SGCZ: variants seen among roughly 807,000 people sequenced by gnomAD.
SGCZ encodes the protein sarcoglycan zeta.
SGCZ carries 40 observed loss-of-function variants against 41.3 expected under a neutral mutation model. That is an observed-to-expected ratio of 0.97 (90% confidence interval 0.75 to 1.26). The LOEUF (loss-of-function observed/expected upper bound fraction) is 1.26. Among genes scored for constraint, SGCZ ranks in the 50% most tolerant of loss-of-function variants. The pLI is 0.00. For synonymous variants in SGCZ, 206 were observed against 137.5 expected, an observed-to-expected ratio of 1.50 and a Z score of -3.49; for missense variants, 552 against 369.8, an observed-to-expected ratio of 1.49 and a Z score of -4.04.
At chr8:14,855,348 C>T (rs891046402) in intron 1 of SGCZ, among the ~76,000 whole-genome samples, 1 of 152,166 alleles carries the variant, frequency 6.6e-6, no homozygotes, top group African/African-American at 2.4e-5. Flanking sequence ...CTGTCCCCAG[C>T]CGGCATCTCC....
At chr8:14,638,615 T>C (rs756657318) in intron 1 of SGCZ, among the ~76,000 whole-genome samples, 2 of 151,812 alleles carry the variant, frequency 1.3e-5, no homozygotes, top group Non-Finnish European at 2.9e-5. Context: ...TCTTAAAGGT[T>C]TCCTAGAATG....
At chr8:14,938,224 T>A (rs1255996466) in intron 1 of SGCZ, among the ~76,000 whole-genome samples, 1 of 152,170 alleles carries the variant, frequency 6.6e-6, no homozygotes, top group Non-Finnish European at 1.5e-5. Flanking sequence ...AGCGTTAGAA[T>A]AAGCCAGAAA....
chr8:14,151,263 C>A (rs1244706877), intron 5 of SGCZ, among the ~76,000 whole-genome samples: 2 of 152,022 alleles, frequency 1.3e-5, no homozygotes, highest in Non-Finnish European at 1.5e-5. Flanking sequence ...TGCATTCTTG[C>A]ATCGACATCT....
At chr8:15,147,311 T>A (rs967059067) in intron 1 of SGCZ, among the ~76,000 whole-genome samples, 2 of 152,094 alleles carry the variant, frequency 1.3e-5, no homozygotes, top group African/African-American at 4.8e-5. Flanking sequence ...GGGCTTTCAC[T>A]CTTTTTGACC....
chr8:14,582,198 A>G (rs1804912902), intron 1 of SGCZ, among the ~76,000 whole-genome samples: 1 of 152,146 alleles, frequency 6.6e-6, no homozygotes, highest in African/African-American at 2.4e-5. Flanking sequence ...AATATATGCT[A>G]TTGATAACAT....
At chr8:15,188,853 G>A (rs931549616) in intron 1 of SGCZ, among the ~76,000 whole-genome samples, 1 of 152,064 alleles carries the variant, frequency 6.6e-6, no homozygotes, top group Non-Finnish European at 1.5e-5. Context: ...AGGAAAGGCA[G>A]AGAGGAAGGG....
intron 2 of SGCZ, among the ~76,000 whole-genome samples, chr8:14,357,021 C>T (rs1284128137): frequency 6.6e-6 from 1 of 151,494 alleles, no homozygotes; most frequent in African/African-American, 2.4e-5. Context: ...AAATGAGAAG[C>T]AATATAATTA....
At chr8:14,518,086 A>G (rs1802678458) in intron 2 of SGCZ, among the ~76,000 whole-genome samples, 1 of 152,004 alleles carries the variant, frequency 6.6e-6, no homozygotes, top group Non-Finnish European at 1.5e-5. Context: ...GAAAGTGCAT[A>G]GTCTACAGAT....
intron 1 of SGCZ, among the ~76,000 whole-genome samples, chr8:14,660,606 T>G (rs1371850730): frequency 8.3e-6 from 1 of 119,992 alleles, no homozygotes; most frequent in Non-Finnish European, 1.7e-5. Context: ...AAAAGAAAAA[T>G]AGCTGCAGTA....
chr8:14,427,237 G>C (rs540488069), intron 2 of SGCZ, among the ~76,000 whole-genome samples: 1 of 152,096 alleles, frequency 6.6e-6, no homozygotes, highest in South Asian at 2.1e-4. Context: ...ATGACTACTA[G>C]CCTTAGTACA....
intron 1 of SGCZ, among the ~76,000 whole-genome samples, chr8:15,228,929 C>G (rs544545259): frequency 1.3e-5 from 2 of 152,206 alleles, no homozygotes; most frequent in Non-Finnish European, 2.9e-5. Context: ...CATGGTGGCT[C>G]ACACCTGTAA....
chr8:14,913,103 T>G (rs1044615725), intron 1 of SGCZ, among the ~76,000 whole-genome samples: 1 of 151,996 alleles, frequency 6.6e-6, no homozygotes, highest in Non-Finnish European at 1.5e-5. Context: ...TTTAAAAAGG[T>G]GTACAAATAT....
chr8:14,838,047 G>C (rs1418998589), intron 1 of SGCZ, among the ~76,000 whole-genome samples: 1 of 152,122 alleles, frequency 6.6e-6, no homozygotes, highest in African/African-American at 2.4e-5. Context: ...CCACGACGTG[G>C]ACAGAAATGG....
chr8:14,731,672 C>T (rs1248334253), intron 1 of SGCZ, among the ~76,000 whole-genome samples: 1 of 152,132 alleles, frequency 6.6e-6, no homozygotes, highest in Non-Finnish European at 1.5e-5. Flanking sequence ...TTTTCTTCTC[C>T]AGCATTCCAT....
At chr8:14,352,798 G>C (rs967407385) in intron 2 of SGCZ, among the ~76,000 whole-genome samples, 2 of 151,996 alleles carry the variant, frequency 1.3e-5, no homozygotes, top group African/African-American at 2.4e-5. Flanking sequence ...TCCTATCCAG[G>C]TTCCTCCCTG....
At position 14,318,165 on chromosome 8, in the gene SGCZ, A is replaced by C. The variant is rs115217967; in HGVS notation, c.336+5938T>G. 7.5e-3 allele frequency among the ~76,000 whole-genome samples: 1,132 copies of C among 151,872 alleles called. 12 individuals are homozygous for C. Among genetic ancestry groups the C allele is most frequent in the African/African-American group, 0.025 (1,039 of 41,496 alleles). ...TGGGGACTATTGGTTTTTCAAAAGAAAGAAAGAAAGAAAGAAACAAGGAAG... is the reference window on the plus strand; with the variant it reads ...TGGGGACTATTGGTTTTTCAAAAGACAGAAAGAAAGAAAGAAACAAGGAAG... On this transcript the variant is annotated intron_variant, in intron 3 of 7. Coordinates refer to ENST00000382080, the MANE Select transcript of SGCZ (RefSeq NM_139167.4).
chr8:14,986,658 A>G (rs10100668), intron 1 of SGCZ, among the ~76,000 whole-genome samples: 52,725 of 151,854 alleles, frequency 0.35, 9,944 homozygotes, highest in Non-Finnish European at 0.4. Context: ...AAAATTTTAT[A>G]CAACAGTTTT....
rs2252614 is a variant in SGCZ at position 14,766,458 on chromosome 8, T to C, written c.40-211532A>G. On this transcript the variant is annotated intron_variant, in intron 1 of 7. Transcript: ENST00000382080. Reference sequence around the variant, plus strand: ...ATAGGATTATATCTTCAAGATAATATGTTTCTAACAAAATTGCTGACTTAC... The same window carrying C: ...ATAGGATTATATCTTCAAGATAATACGTTTCTAACAAAATTGCTGACTTAC... Among the ~76,000 whole-genome samples, 1,375 of 152,304 alleles carry C rather than the reference T, an allele frequency of 9.0e-3. 20 individuals carry two copies. Among genetic ancestry groups the C allele is most frequent in the African/African-American group, 0.031 (1,287 of 41,574 alleles).
At chr8:14,478,583 C>T (rs775727872) in intron 2 of SGCZ, among the ~76,000 whole-genome samples, 11 of 152,000 alleles carry the variant, frequency 7.2e-5, no homozygotes, top group Non-Finnish European at 1.0e-4. Flanking sequence ...CAGTGAAACG[C>T]TACTGTAAAA....
Sources: gnomAD v4.1 joint callset for allele counts (sites outside exome capture counted in the v4.1 genomes callset) on GRCh38, gnomAD v4.1.1 for gene constraint, MANE v1.5 for transcripts, NCBI Gene and HGNC (gene_info 2026-07-23, HGNC 2026-07-21) for gene names.